The following NEDD4L variants were observed in gnomAD, a reference collection of about 807,000 sequenced individuals.
The protein encoded by NEDD4L is E3 ubiquitin-protein ligase NEDD4-like.
NEDD4L carries 54 observed loss-of-function variants against 148.9 expected under a neutral mutation model. The ratio of observed to expected loss-of-function variants is 0.36; its 90% CI spans 0.29 to 0.45. The LOEUF (loss-of-function observed/expected upper bound fraction) is 0.45, where lower values mean the gene tolerates loss of function less well. Among genes scored for constraint, NEDD4L ranks in the 20% least tolerant of loss-of-function variants. The probability of loss-of-function intolerance (pLI) is 1.00; values close to 1 mark genes in which losing one functional copy is unlikely to be tolerated. For missense variants in NEDD4L, 856 were observed against 1,233.8 expected (o/e 0.69, Z 4.59); for synonymous variants, 433 against 440.7 (o/e 0.98, Z 0.22).
Position 58,044,390 on chromosome 18 carries a change from A to T in NEDD4L, c.-271A>T. 1 of 219,112 alleles carries T rather than the reference A, an allele frequency of 4.6e-6. No individual in the cohort carries two copies. The highest frequency in any genetic ancestry group is 8.8e-6 in the Non-Finnish European group (1 of 113,954). The allele number at this position is 219,112 out of a possible 1,614,324, so 13.6% of individuals were successfully genotyped here. A position where few individuals can be genotyped will look rare whatever the true frequency, so the allele number is the denominator to read the frequency against. ...CTGCGCCGCCGCCGCGCGCAGTGAG[A>T]GGCGCCGGGGCTGCCGCCCGGTGCT... On this transcript the variant is annotated 5_prime_UTR_variant, in exon 1 of 31. Coordinates refer to ENST00000400345, the MANE Select transcript of NEDD4L (RefSeq NM_001144967.3).
At chr18:58,357,315 T>C (rs768552696) in intron 19 of NEDD4L, 63 bp downstream of exon 19, 42 of 1,320,178 alleles carry the variant, frequency 3.2e-5, no homozygotes, top group African/African-American at 5.8e-5. Context: ...ACGTGTTTCT[T>C]GTGTATTACT....
rs778046015 is a variant in NEDD4L, at chr18:58,341,067, G to A, written c.1155G>A (p.Pro385=). 3.0e-5 allele frequency: 49 copies of A among 1,610,848 alleles called. No individual in the cohort carries two copies. Among genetic ancestry groups the A allele is most frequent in the Non-Finnish European group, 3.9e-5 (46 of 1,178,606 alleles). ...TPSVAYVHTT[P]GLPSGWEERK... is the part of the protein sequence containing the mutation. The stretch of plus-strand genomic sequence containing the variant: ...CAGTGGCCTATGTACATACCACGCC[G>A]GGTCTGCCTTCAGGCTGGGAAGAAA... Residue 385 remains proline (P), a synonymous_variant, in exon 14 of 31, where the codon CCG becomes CCA. Transcript: ENST00000400345.
intron 16 of NEDD4L, among the ~76,000 whole-genome samples, chr18:58,345,205 C>T (rs941704547): frequency 6.6e-6 from 1 of 152,228 alleles, no homozygotes; most frequent in African/African-American, 2.4e-5. Context: ...GGAAATTCCA[C>T]AAGCTACTCC....
intron 8 of NEDD4L, among the ~76,000 whole-genome samples, chr18:58,323,798 A>G (rs1465673975): frequency 6.6e-6 from 1 of 152,188 alleles, no homozygotes; most frequent in African/African-American, 2.4e-5. Flanking sequence ...CCATTCTGCA[A>G]CGAGCTGACC....
At chr18:58,276,749 A>G (rs1217727926) in intron 5 of NEDD4L, among the ~76,000 whole-genome samples, 1 of 151,638 alleles carries the variant, frequency 6.6e-6, no homozygotes. Flanking sequence ...AATAGCTCCC[A>G]CCCATTCCCA....
At chr18:58,153,981 CATT>C (rs930681885) in intron 1 of NEDD4L, among the ~76,000 whole-genome samples, 7 of 152,326 alleles carry the variant, frequency 4.6e-5, no homozygotes, top group African/African-American at 1.7e-4. Context: ...CTTTGTGAAA[CATT>C]GTTACAAAAA....
Position 58,366,531 on chromosome 18 carries a change from G to T in NEDD4L, c.2063+303G>T. 3.9e-6 allele frequency: 1 copy of T among 259,190 alleles called. No individual in the cohort carries two copies. 16.1% of individuals were successfully genotyped at this position (259,190 alleles called of 1,614,324 possible). A position where few individuals can be genotyped will look rare whatever the true frequency, so the allele number is the denominator to read the frequency against. On this transcript the variant is annotated intron_variant, in intron 21 of 30. Coordinates refer to ENST00000400345, the MANE Select transcript of NEDD4L (RefSeq NM_001144967.3). This position sits in a 1 kb window ranked among gnomAD's most constrained non-coding sequence, Gnocchi z 4.2. Reference sequence around the variant, plus strand: ...GGCGATTTTCATTTGCAGTGTTCAAGAGGAGGACTTGTCAGTGTTAGAATT... The same window carrying T: ...GGCGATTTTCATTTGCAGTGTTCAATAGGAGGACTTGTCAGTGTTAGAATT...
chr18:58,288,997 G>A (rs192901793), intron 5 of NEDD4L, among the ~76,000 whole-genome samples: 34 of 152,230 alleles, frequency 2.2e-4, no homozygotes, highest in Non-Finnish European at 4.3e-4. Flanking sequence ...CATGTTCAGT[G>A]TTCGACATTT....
rs140947566 is a variant in NEDD4L at position 58,080,690 on chromosome 18, G to T, written c.48+35982G>T. 1.1e-3 allele frequency among the ~76,000 whole-genome samples: 167 copies of T among 152,332 alleles called. 1 individual carries two copies. The highest frequency in any genetic ancestry group is 3.9e-3 in the African/African-American group (161 of 41,582). The stretch of plus-strand genomic sequence containing the variant: ...TTCACTTGACTGCTCTAAATAAGGA[G>T]CGAGAGGGTGGTGTGTGTGTTAACC... On this transcript the variant is annotated intron_variant, in intron 1 of 30. Transcript: ENST00000400345.
chr18:58,069,421 T>TA (rs2082761631), intron 1 of NEDD4L, among the ~76,000 whole-genome samples: 1 of 152,226 alleles, frequency 6.6e-6, no homozygotes, highest in Non-Finnish European at 1.5e-5. Flanking sequence ...GGGAAACTGA[T>TA]AACTAAAAGT....
At chr18:58,368,516 A>G (rs975439432) in intron 22 of NEDD4L, among the ~76,000 whole-genome samples, 5 of 152,260 alleles carry the variant, frequency 3.3e-5, no homozygotes, top group African/African-American at 1.2e-4. Flanking sequence ...AGAAAAAAGC[A>G]TCAGAAATAC....
chr18:58,132,772 AG>A (rs1409388403), intron 1 of NEDD4L, among the ~76,000 whole-genome samples: 1 of 152,126 alleles, frequency 6.6e-6, no homozygotes, highest in Middle Eastern at 3.2e-3. Flanking sequence ...TGTTTTTTTA[AG>A]GGGATGAGAG....
At chr18:58,389,740 C>T (rs1314350391) in intron 28 of NEDD4L, among the ~76,000 whole-genome samples, 1 of 147,584 alleles carries the variant, frequency 6.8e-6, no homozygotes, top group African/African-American at 2.5e-5. Context: ...AGTAAACAAA[C>T]TTAAAAAAAA....
intron 2 of NEDD4L, among the ~76,000 whole-genome samples, chr18:58,190,683 G>C (rs1283124308): frequency 6.6e-6 from 1 of 152,138 alleles, no homozygotes; most frequent in African/African-American, 2.4e-5. Flanking sequence ...TGAAGAATCT[G>C]TATTGCATTT....
intron 1 of NEDD4L, among the ~76,000 whole-genome samples, chr18:58,088,714 G>A (rs1190853399): frequency 6.6e-6 from 1 of 151,296 alleles, no homozygotes; most frequent in Non-Finnish European, 1.5e-5. Flanking sequence ...CTTTTTTTTT[G>A]CATCATAAAT....
intron 2 of NEDD4L, among the ~76,000 whole-genome samples, chr18:58,191,316 A>C (rs1329134210): frequency 6.6e-6 from 1 of 152,144 alleles, no homozygotes; most frequent in East Asian, 1.9e-4. Flanking sequence ...CAGTAATGCT[A>C]TTTGACATGC....
chr18:58,122,743 C>CT lies in NEDD4L; in HGVS notation c.49-43035dup, dbSNP rs944368993. 9.9e-4 allele frequency among the ~76,000 whole-genome samples: 146 copies of CT among 147,640 alleles called. 1 individual carries two copies. The highest frequency in any genetic ancestry group is 1.6e-3 in the East Asian group (8 of 5,030). On this transcript the variant is annotated intron_variant, in intron 1 of 30. Coordinates refer to ENST00000400345, the MANE Select transcript of NEDD4L (RefSeq NM_001144967.3). ...TGGATTTTTTTTCTTTTTTCTTTTT[C>CT]TTTTTTTTTTGAGACAGAGTCTTGC...
chr18:58,157,063 C>G (rs991051118), intron 1 of NEDD4L, among the ~76,000 whole-genome samples: 11 of 151,358 alleles, frequency 7.3e-5, no homozygotes, highest in Non-Finnish European at 1.3e-4. Flanking sequence ...TAGCACACAC[C>G]TGTAGTCCCA....
intron 9 of NEDD4L, among the ~76,000 whole-genome samples, chr18:58,326,269 G>A (rs768550519): frequency 6.6e-5 from 10 of 152,168 alleles, no homozygotes; most frequent in Non-Finnish European, 1.0e-4. Context: ...TGAGCCCCCA[G>A]GTGGGTTCTC....
Sources: gnomAD v4.1 joint callset for allele counts (sites outside exome capture counted in the v4.1 genomes callset) on GRCh38, gnomAD v4.1.1 for gene constraint, Gnocchi (gnomAD v3.1) non-coding constraint, MANE v1.5 for transcripts, NCBI Gene and HGNC (gene_info 2026-07-23, HGNC 2026-07-21) for gene names.